The following LRRC49 variants were observed in gnomAD, a reference collection of about 807,000 sequenced individuals.
LRRC49 encodes the protein leucine-rich repeat-containing protein 49.
A neutral mutation model predicts 83.3 loss-of-function variants in LRRC49; 50 were observed. The observed-to-expected ratio is 0.60, with a 90% CI of 0.48 to 0.76. The LOEUF is 0.76. Ranked by LOEUF, LRRC49 falls within the 30% of genes least tolerant of loss-of-function variation. The pLI, the probability that LRRC49 is intolerant of heterozygous loss-of-function variation, is 0.00. For missense variants in LRRC49, 704 were observed against 809.1 expected (o/e 0.87, Z 1.58); for synonymous variants, 286 against 283.3 (o/e 1.01, Z -0.10).
Position 70,904,749 on chromosome 15 carries a change from A to G in LRRC49, c.494A>G (p.Lys165Arg), listed in dbSNP as rs1447945637. The G allele has an allele frequency of 6.2e-7, 1 of 1,611,324 alleles. No homozygotes were observed. The highest frequency in any genetic ancestry group is 8.5e-7 in the Non-Finnish European group (1 of 1,178,156). ...LRCLRVLLLG[K>R]NRIKKISNLE... ...TGTCTTCGTGTCCTTCTGTTGGGGA[A>G]AAACAGGTATTCTTTGTAGAGCAGT... Residue 165 changes from lysine (K) to arginine (R), a missense_variant, in exon 5 of 16, where the codon AAA becomes AGA. Lys to Arg is a conservative substitution (Grantham distance 26). This residue lies in a region of LRRC49 where 261 missense variants were observed against 330.5 expected (regional missense o/e 0.79). Transcript: ENST00000260382.
intron 6 of LRRC49, among the ~76,000 whole-genome samples, chr15:70,913,053 C>T (rs1048222646): frequency 2.0e-5 from 3 of 152,280 alleles, no homozygotes; most frequent in Non-Finnish European, 2.9e-5. Context: ...GTCCTTTGCT[C>T]ATCCATTTAA....
intron 3 of LRRC49, chr15:70,900,468 C>T (rs1219853907): frequency 2.2e-6 from 1 of 456,548 alleles, no homozygotes; most frequent in African/African-American, 2.0e-5. Context: ...ACTATATGGG[C>T]TGGAAATGAA....
At chr15:70,859,144 C>A in intron 1 of LRRC49, 1 of 1,379,914 alleles carries the variant, frequency 7.2e-7, no homozygotes, top group Non-Finnish European at 1.0e-6. Context: ...AGAGCTATAT[C>A]AACAACCTTA....
At chr15:70,893,498 G>A (rs2955037) in intron 1 of LRRC49, 86 bp from the exon 2 acceptor site, 355,912 of 785,780 alleles carry the variant, frequency 0.45, 84,550 homozygotes, top group African/African-American at 0.66. Context: ...TTTTTTTGTT[G>A]TATTTCTGTT....
intron 5 of LRRC49, among the ~76,000 whole-genome samples, 175 bp from the exon 6 acceptor site, chr15:70,911,357 A>AT (rs1052834071): frequency 4.6e-5 from 7 of 151,902 alleles, no homozygotes; most frequent in African/African-American, 9.7e-5. Flanking sequence ...GTGGTATTGC[A>AT]TTTTTTTTAA....
upstream of LRRC49, chr15:70,892,678 G>C (rs1311433372): frequency 1.4e-6 from 2 of 1,452,088 alleles, no homozygotes; most frequent in Non-Finnish European, 9.0e-7. Flanking sequence ...AATAGAACGA[G>C]GAAGTGGTGA....
intron 9 of LRRC49, among the ~76,000 whole-genome samples, chr15:70,975,012 CAATT>C (rs976607569): frequency 4.6e-5 from 7 of 151,984 alleles, no homozygotes; most frequent in African/African-American, 1.7e-4. Context: ...AATTCAAGTT[CAATT>C]AATTATGAGA....
At chr15:70,992,245 A>G (rs748353078) in intron 11 of LRRC49, among the ~76,000 whole-genome samples, 75 of 152,126 alleles carry the variant, frequency 4.9e-4, no homozygotes, top group Non-Finnish European at 7.8e-4. Context: ...CTTGTTTGCA[A>G]TGGGTTCGAA....
At chr15:70,904,824 G>T in intron 5 of LRRC49, 69 bp downstream of exon 5, 1 of 1,159,092 alleles carries the variant, frequency 8.6e-7, no homozygotes, top group Non-Finnish European at 1.2e-6. Context: ...TGACAACTTA[G>T]AATTGAATAA....
intron 9 of LRRC49, among the ~76,000 whole-genome samples, chr15:70,973,211 G>GT (rs1331192755): frequency 6.6e-6 from 1 of 152,098 alleles, no homozygotes; most frequent in East Asian, 1.9e-4. Flanking sequence ...ATTGCTTTCT[G>GT]TTTTTTCCCT....
chr15:70,905,247 G>C (rs982537747), intron 5 of LRRC49, among the ~76,000 whole-genome samples: 6 of 152,100 alleles, frequency 3.9e-5, no homozygotes, highest in Non-Finnish European at 7.4e-5. Context: ...CTATTCCGTA[G>C]TGCAACTATA....
chr15:70,860,464 G>A (rs372064667), intron 1 of LRRC49, among the ~76,000 whole-genome samples: 230 of 152,314 alleles, frequency 1.5e-3, no homozygotes, highest in African/African-American at 5.4e-3. Context: ...GCCTAGGCTC[G>A]AGTGCAGTGG....
At chr15:70,929,550 G>A (rs1393715740) in intron 7 of LRRC49, among the ~76,000 whole-genome samples, 2 of 152,164 alleles carry the variant, frequency 1.3e-5, no homozygotes, top group Non-Finnish European at 2.9e-5. Context: ...TGGGATGGCT[G>A]TGGCGTAAAA....
chr15:70,863,420 C>T (rs11630263), intron 1 of LRRC49, among the ~76,000 whole-genome samples: 83,173 of 152,072 alleles, frequency 0.55, 23,514 homozygotes, highest in Admixed American at 0.69. Flanking sequence ...TGAGAGCAAA[C>T]AAGACCCCAT....
At chr15:70,975,516 C>A (rs2037173131) in intron 9 of LRRC49, among the ~76,000 whole-genome samples, 1 of 152,052 alleles carries the variant, frequency 6.6e-6, no homozygotes, top group Non-Finnish European at 1.5e-5. Flanking sequence ...CATGACAAAA[C>A]CCTGTCTCTA....
chr15:70,872,633 A>C (rs2033073505), intron 1 of LRRC49, among the ~76,000 whole-genome samples: 1 of 152,144 alleles, frequency 6.6e-6, no homozygotes, highest in Admixed American at 6.5e-5. Context: ...GGTTTCCAAA[A>C]AGTGTGTGTT....
At chr15:70,993,936 C>T (rs1427274247) in intron 11 of LRRC49, among the ~76,000 whole-genome samples, 1 of 152,030 alleles carries the variant, frequency 6.6e-6, no homozygotes, top group African/African-American at 2.4e-5. Flanking sequence ...CCTTTGCCTC[C>T]CAGGTTCAAG....
At chr15:71,042,533 C>T (rs973124371) in intron 15 of LRRC49, among the ~76,000 whole-genome samples, 2 of 152,152 alleles carry the variant, frequency 1.3e-5, no homozygotes, top group African/African-American at 4.8e-5. Context: ...CCCTTAATCA[C>T]TCTCTCGACT....
At chr15:70,871,884 C>T (rs1188428494) in intron 1 of LRRC49, among the ~76,000 whole-genome samples, 1 of 149,948 alleles carries the variant, frequency 6.7e-6, no homozygotes, top group East Asian at 2.0e-4. Flanking sequence ...GGATGGTGGC[C>T]GGGAAGAGGC....
Sources: allele counts gnomAD v4.1 joint callset (sites outside exome capture counted in the v4.1 genomes callset), GRCh38; gene constraint gnomAD v4.1.1; regional missense constraint gnomAD v4.1.1; transcripts MANE v1.5; gene names NCBI Gene and HGNC (gene_info 2026-07-23, HGNC 2026-07-21).